Variants in SAMD4A observed in about 807,000 individuals in gnomAD.
SAMD4A encodes the protein protein Smaug homolog 1.
A neutral mutation model predicts 81.3 loss-of-function variants in SAMD4A; 33 were observed. That is an observed-to-expected ratio of 0.41 (90% CI 0.31 to 0.54). The LOEUF is 0.54. Among genes scored for constraint, SAMD4A ranks in the 20% least tolerant of loss-of-function variants. The pLI is 0.37. For missense variants in SAMD4A, 854 were observed against 951.1 expected (o/e 0.90, Z 1.34); for synonymous variants, 389 against 382.1 (o/e 1.02, Z -0.21).
At chr14:54,593,417 A>G (rs1234573550) in intron 2 of SAMD4A, among the ~76,000 whole-genome samples, 1 of 152,170 alleles carries the variant, frequency 6.6e-6, no homozygotes, top group African/African-American at 2.4e-5. Flanking sequence ...TTCTTGTGTT[A>G]GCCAGAATGG....
chr14:54,653,040 C>T (rs1219632230), intron 2 of SAMD4A, among the ~76,000 whole-genome samples: 6 of 152,036 alleles, frequency 3.9e-5, no homozygotes, highest in Admixed American at 2.6e-4. Flanking sequence ...CATGCCCTCT[C>T]GGGTGCTCCC....
chr14:54,771,546 C>A (rs956237797), intron 9 of SAMD4A, among the ~76,000 whole-genome samples: 2 of 152,220 alleles, frequency 1.3e-5, no homozygotes, highest in African/African-American at 4.8e-5. Context: ...GGGTTGCCAA[C>A]CCTTGTGGGT....
intron 9 of SAMD4A, among the ~76,000 whole-genome samples, chr14:54,773,743 A>T (rs560833602): frequency 2.5e-4 from 38 of 152,346 alleles, no homozygotes; most frequent in African/African-American, 8.2e-4. Context: ...ACTTGCAAAC[A>T]TCATCTCCGA....
At chr14:54,645,731 G>A (rs1429682064) in intron 2 of SAMD4A, among the ~76,000 whole-genome samples, 1 of 152,174 alleles carries the variant, frequency 6.6e-6, no homozygotes, top group Non-Finnish European at 1.5e-5. Context: ...AGTCATTTAA[G>A]GCATTGTTGC....
chr14:54,738,019 C>T (rs976949275), intron 4 of SAMD4A, among the ~76,000 whole-genome samples: 8 of 152,304 alleles, frequency 5.3e-5, no homozygotes, highest in East Asian at 3.9e-4. Flanking sequence ...AAAGAGGATA[C>T]GTGCATGCTA....
At chr14:54,745,396 A>G (rs1374969183) in intron 4 of SAMD4A, among the ~76,000 whole-genome samples, 1 of 152,102 alleles carries the variant, frequency 6.6e-6, no homozygotes, top group African/African-American at 2.4e-5. Flanking sequence ...GCTTCCTGAA[A>G]TGGCTTCCTC....
chr14:54,743,592 C>T (rs2037895305), intron 4 of SAMD4A, among the ~76,000 whole-genome samples: 1 of 152,240 alleles, frequency 6.6e-6, no homozygotes, highest in Non-Finnish European at 1.5e-5. Flanking sequence ...TAAAACAGCA[C>T]TTTCGCCTGT....
rs1157144166 is a variant in SAMD4A, at chr14:54,744,008, C to T, written c.980-4807C>T. Among the ~76,000 whole-genome samples the T allele has an allele frequency of 2.6e-5, 4 of 152,324 alleles. No homozygotes were observed. The East Asian group carries it at 7.7e-4, about 29-fold the overall frequency. ...TTACCCCTCAGTTGGCTTTCCTCTTCTCCCCCTCAGAGATCAAGGGTGCAG... is the reference window on the plus strand; with the variant it reads ...TTACCCCTCAGTTGGCTTTCCTCTTTTCCCCCTCAGAGATCAAGGGTGCAG... On this transcript the variant is annotated intron_variant, in intron 4 of 12. Coordinates refer to ENST00000554335, the MANE Select transcript of SAMD4A (RefSeq NM_015589.6).
At chr14:54,740,594 C>G (rs1480577157) in intron 4 of SAMD4A, among the ~76,000 whole-genome samples, 1 of 152,216 alleles carries the variant, frequency 6.6e-6, no homozygotes, top group Admixed American at 6.5e-5. Context: ...TTTCATCTAG[C>G]TAGACTGGCC....
chr14:54,646,878 CT>C (rs1338737086), intron 2 of SAMD4A, among the ~76,000 whole-genome samples: 3 of 152,194 alleles, frequency 2.0e-5, no homozygotes, highest in African/African-American at 7.2e-5. Context: ...AATCACCCTG[CT>C]TGCATTTAAC....
chr14:54,668,628 A>G (rs1176349694), intron 2 of SAMD4A, among the ~76,000 whole-genome samples: 1 of 152,230 alleles, frequency 6.6e-6, no homozygotes, highest in East Asian at 1.9e-4. Flanking sequence ...TGGATATTCA[A>G]TAAACATTTG....
At chr14:54,575,291 C>T (rs533072517) in intron 2 of SAMD4A, among the ~76,000 whole-genome samples, 4 of 152,300 alleles carry the variant, frequency 2.6e-5, no homozygotes, top group Middle Eastern at 3.4e-3. Context: ...TGCTCTTTCT[C>T]CTGTCTCAAC....
intron 3 of SAMD4A, among the ~76,000 whole-genome samples, chr14:54,722,620 C>T (rs867265242): frequency 7.9e-5 from 12 of 152,136 alleles, no homozygotes; most frequent in African/African-American, 2.4e-4. Flanking sequence ...GTTAAGTGAC[C>T]TTGGGCAATT....
chr14:54,670,798 C>G (rs549242872), intron 2 of SAMD4A, among the ~76,000 whole-genome samples: 42 of 152,294 alleles, frequency 2.8e-4, no homozygotes, highest in Non-Finnish European at 5.0e-4. Context: ...GCTCATAAGA[C>G]ATAGCTTTGA....
intron 2 of SAMD4A, among the ~76,000 whole-genome samples, chr14:54,680,062 T>G (rs1019011341): frequency 5.9e-5 from 9 of 152,248 alleles, no homozygotes; most frequent in African/African-American, 2.2e-4. Context: ...CTTCAGATCA[T>G]GGGTGGCTCA....
chr14:54,701,716 T>A (rs1341386611), intron 2 of SAMD4A, among the ~76,000 whole-genome samples: 3 of 152,262 alleles, frequency 2.0e-5, no homozygotes, highest in Non-Finnish European at 2.9e-5. Context: ...AGCTTCTTAG[T>A]CTTAGCCCCC....
chr14:54,698,820 T>C lies in SAMD4A; in HGVS notation c.197-3242T>C, dbSNP rs2036637793. On this transcript the variant is annotated intron_variant, in intron 2 of 12. Transcript: ENST00000554335. The stretch of plus-strand genomic sequence containing the variant: ...TCGTTTTCCTTCCTCTTTGCTATGC[T>C]TGTTCCTCCTCTGAATCCCAGGTTA... 2.0e-5 allele frequency among the ~76,000 whole-genome samples: 3 copies of C among 152,334 alleles called. No individual in the cohort carries two copies. The South Asian group carries it at 6.2e-4, about 32-fold the overall frequency.
chr14:54,675,367 CAAAAAAAAAAAA>C (rs59110762), intron 2 of SAMD4A, among the ~76,000 whole-genome samples: 1 of 75,392 alleles, frequency 1.3e-5, no homozygotes, highest in Admixed American at 2.2e-4. Context: ...ACTCCGTCTC[CAAAAAAAAAAAA>C]AAAAAAAAGG....
Position 54,630,747 on chromosome 14 carries a change from CAG to C in SAMD4A, c.196+62638_196+62639del, listed in dbSNP as rs1481564609. 2.6e-5 allele frequency among the ~76,000 whole-genome samples: 4 copies of C among 151,792 alleles called. No homozygotes were observed. In the East Asian group the frequency reaches 7.7e-4, roughly 29 times the overall value. On this transcript the variant is annotated intron_variant, in intron 2 of 12. Transcript: ENST00000554335. ...TATTTCACTATGGTGAGTTTTCTAA[CAG>C]AGGAAGCAACATGTATTAGTCAGGG...
Sources: allele counts gnomAD v4.1 joint callset (sites outside exome capture counted in the v4.1 genomes callset), GRCh38; gene constraint gnomAD v4.1.1; transcripts MANE v1.5; gene names NCBI Gene and HGNC (gene_info 2026-07-23, HGNC 2026-07-21).